The following COL21A1 variants were observed in gnomAD, a reference collection of about 807,000 sequenced individuals.
The protein encoded by COL21A1 is collagen type XXI alpha 1 chain.
Under a neutral mutation model 137.9 loss-of-function variants are expected in COL21A1, and 149 were observed. The ratio of observed to expected loss-of-function variants is 1.08; its 90% confidence interval spans 0.95 to 1.24. COL21A1 has a LOEUF of 1.24. Ranked by LOEUF, COL21A1 falls within the 50% of genes most tolerant of loss-of-function variation. The pLI, the probability that COL21A1 is intolerant of heterozygous loss-of-function variation, is 0.00. For missense variants in COL21A1, 1,167 were observed against 1,158.4 expected, an observed-to-expected ratio of 1.01 and a Z score of -0.11; for synonymous variants, 456 against 391.5, an observed-to-expected ratio of 1.16 and a Z score of -1.95.
At chr6:56,144,322 G>A (rs1189248966) in intron 10 of COL21A1, among the ~76,000 whole-genome samples, 2 of 152,004 alleles carry the variant, frequency 1.3e-5, no homozygotes, top group African/African-American at 4.8e-5. Context: ...CTTTATGGCG[G>A]GTCAGATCTG....
chr6:56,237,298 C>T (rs1488655575), intron 1 of COL21A1, among the ~76,000 whole-genome samples: 2 of 152,030 alleles, frequency 1.3e-5, no homozygotes, highest in South Asian at 2.1e-4. Context: ...TTGAGTAAAA[C>T]AGGTTTGCCC....
In COL21A1 at chr6:56,261,354, A is replaced by T. The variant is rs369640913; in HGVS notation, c.-38-78698T>A. Among the ~76,000 whole-genome samples, 31 of 152,188 alleles carry T rather than the reference A, an allele frequency of 2.0e-4. 1 individual carries two copies. The highest frequency in any genetic ancestry group is 1.9e-3 in the East Asian group (10 of 5,190). On this transcript the variant is annotated intron_variant, in intron 1 of 28. Coordinates refer to the COL21A1 transcript ENST00000370819. ...ATTAGTTAGGATAAGTCAGTGCTGA[A>T]TGTTTGTATCCCTCCCAAATTCACA...
At chr6:56,354,374 T>C (rs1765784749) in intron 1 of COL21A1, among the ~76,000 whole-genome samples, 1 of 152,170 alleles carries the variant, frequency 6.6e-6, no homozygotes, top group Non-Finnish European at 1.5e-5. Flanking sequence ...CAATTAAAAA[T>C]GTATCTTAAA....
chr6:56,361,735 T>C (rs1194559418), intron 1 of COL21A1, among the ~76,000 whole-genome samples: 3 of 151,858 alleles, frequency 2.0e-5, no homozygotes, highest in Non-Finnish European at 4.4e-5. Flanking sequence ...CTCTGTGGGG[T>C]TATGAGTGAT....
At chr6:56,088,976 G>A (rs1768530598) in intron 17 of COL21A1, among the ~76,000 whole-genome samples, 1 of 152,020 alleles carries the variant, frequency 6.6e-6, no homozygotes, top group African/African-American at 2.4e-5. Flanking sequence ...TGTAGAGATG[G>A]GGTTTTGCGA....
At chr6:56,273,988 G>T (rs1562034948) in intron 1 of COL21A1, among the ~76,000 whole-genome samples, 1 of 152,028 alleles carries the variant, frequency 6.6e-6, no homozygotes, top group Non-Finnish European at 1.5e-5. Flanking sequence ...TCAAAAAAAT[G>T]CTATCAAACC....
chr6:56,190,583 C>T (rs1352138853), intron 1 of COL21A1, among the ~76,000 whole-genome samples: 1 of 152,178 alleles, frequency 6.6e-6, no homozygotes, highest in Non-Finnish European at 1.5e-5. Flanking sequence ...CTCCCTAACT[C>T]ATTTTATGAG....
chr6:56,334,238 C>G lies in COL21A1; in HGVS notation c.-39+59733G>C, dbSNP rs1765292031. ...CAGAAACATGGTGTCAAAGTAGGAC[C>G]CCCAAGATTAGTAGCACCAGCATGA... On this transcript the variant is annotated intron_variant, in intron 1 of 28. Transcript: ENST00000370819. Among the ~76,000 whole-genome samples, 2 of 151,964 alleles carry G rather than the reference C, an allele frequency of 1.3e-5. 1 individual carries two copies. The highest frequency in any genetic ancestry group is 4.2e-4 in the South Asian group (2 of 4,810).
chr6:56,233,740 A>T, intron 1 of COL21A1, among the ~76,000 whole-genome samples: 1 of 103,974 alleles, frequency 9.6e-6, no homozygotes, highest in Non-Finnish European at 2.1e-5. Flanking sequence ...CTGCTTGAAT[A>T]GGCAAAAAAA....
intron 9 of COL21A1, among the ~76,000 whole-genome samples, chr6:56,157,644 C>T (rs764517): frequency 0.57 from 86,914 of 151,898 alleles, 25,140 homozygotes; most frequent in East Asian, 0.79. Flanking sequence ...ATATAGATAT[C>T]GATGTCCTAT....
Position 56,084,212 on chromosome 6 carries a change from G to GAAAA in COL21A1, c.1813-6643_1813-6640dup, listed in dbSNP as rs754144759. 1.7e-3 allele frequency among the ~76,000 whole-genome samples: 247 copies of GAAAA among 148,852 alleles called. 2 individuals are homozygous for GAAAA. The highest frequency in any genetic ancestry group is 0.014 in the East Asian group (73 of 5,068). ...GGGGAAAATATTGCCTAAGTATGCA[G>GAAAA]AAAAAATATATATATATAAAAAACA... On this transcript the variant is annotated intron_variant, in intron 17 of 29. Transcript: ENST00000244728.
intron 1 of COL21A1, among the ~76,000 whole-genome samples, chr6:56,388,143 T>C (rs892959246): frequency 1.6e-4 from 24 of 152,208 alleles, no homozygotes; most frequent in African/African-American, 5.5e-4. Flanking sequence ...CTGGATTGTA[T>C]TTCTAAACCC....
intron 1 of COL21A1, among the ~76,000 whole-genome samples, chr6:56,303,621 G>A (rs934083276): frequency 3.3e-5 from 5 of 152,162 alleles, no homozygotes; most frequent in African/African-American, 1.2e-4. Flanking sequence ...TCAGCTTAAG[G>A]AGATTTGGGG....
At chr6:56,162,781 T>A (rs1359455085) in intron 9 of COL21A1, among the ~76,000 whole-genome samples, 1 of 152,226 alleles carries the variant, frequency 6.6e-6, no homozygotes, top group Non-Finnish European at 1.5e-5. Context: ...TTTAAAAGAA[T>A]CTACTGGTAG....
At chr6:56,090,923 G>C (rs563763900) in intron 17 of COL21A1, among the ~76,000 whole-genome samples, 5 of 152,238 alleles carry the variant, frequency 3.3e-5, no homozygotes, top group African/African-American at 1.2e-4. Flanking sequence ...CCTGAAAAAG[G>C]GGTGAGAAAA....
chr6:56,096,810 A>T (rs1769361489), intron 17 of COL21A1, among the ~76,000 whole-genome samples: 1 of 152,212 alleles, frequency 6.6e-6, no homozygotes, highest in Non-Finnish European at 1.5e-5. Flanking sequence ...ATTATAGAAT[A>T]AAGTGAATAT....
intron 1 of COL21A1, among the ~76,000 whole-genome samples, chr6:56,281,385 C>A (rs1259880600): frequency 1.3e-5 from 2 of 152,038 alleles, no homozygotes; most frequent in Non-Finnish European, 2.9e-5. Flanking sequence ...ATGTTTCGTC[C>A]TTTTTACATA....
At chr6:56,353,510 G>A (rs182695579) in intron 1 of COL21A1, among the ~76,000 whole-genome samples, 2,904 of 152,208 alleles carry the variant, frequency 0.019, 92 homozygotes, top group African/African-American at 0.064. Flanking sequence ...AACCACATGA[G>A]AGACCCTGAA....
intron 1 of COL21A1, among the ~76,000 whole-genome samples, chr6:56,258,703 A>G (rs1763175750): frequency 6.6e-6 from 1 of 152,170 alleles, no homozygotes; most frequent in Non-Finnish European, 1.5e-5. Flanking sequence ...TTTAACTGAT[A>G]ATGGCTCACA....
Sources: allele counts gnomAD v4.1 joint callset (sites outside exome capture counted in the v4.1 genomes callset), GRCh38; gene constraint gnomAD v4.1.1; transcripts MANE v1.5; gene names NCBI Gene and HGNC (gene_info 2026-07-23, HGNC 2026-07-21).